The following PTK2 variants were observed in gnomAD, a reference collection of about 807,000 sequenced individuals.
The protein encoded by PTK2 is protein tyrosine kinase 2.
PTK2 carries 45 observed loss-of-function variants against 150.1 expected under a neutral mutation model. The observed-to-expected ratio is 0.30, with a 90% CI of 0.24 to 0.38. The LOEUF is 0.38. Among genes scored for constraint, PTK2 ranks in the 10% least tolerant of loss-of-function variants. The probability of loss-of-function intolerance (pLI) is 1.00; values close to 1 mark genes in which losing one functional copy is unlikely to be tolerated. For synonymous variants in PTK2, 432 were observed against 449.2 expected (o/e 0.96, Z 0.48); for missense variants, 919 against 1,307.3 (o/e 0.70, Z 4.58).
At chr8:140,970,616 A>G (rs1012653660) in intron 1 of PTK2, among the ~76,000 whole-genome samples, 2 of 152,178 alleles carry the variant, frequency 1.3e-5, no homozygotes, top group Admixed American at 6.5e-5. Context: ...CTCCACCATC[A>G]CCACGACTTG....
chr8:140,659,710 T>C (rs2076689260), intron 31 of PTK2, 32 bp from the exon 36 acceptor site: 1 of 1,517,754 alleles, frequency 6.6e-7, no homozygotes, highest in Non-Finnish European at 8.8e-7. Flanking sequence ...AGGAGAACTG[T>C]TTTCAGTGAT....
chr8:140,935,702 C>CTTTTTTTTTTTTT (rs34554819), intron 1 of PTK2, among the ~76,000 whole-genome samples: 15 of 123,860 alleles, frequency 1.2e-4, no homozygotes, highest in Non-Finnish European at 1.3e-4. Context: ...ATGTCCTCAT[C>CTTTTTTTTTTTTT]TTTTTTTTTT....
At chr8:140,923,376 AAC>A (rs2100168258) in intron 2 of PTK2, among the ~76,000 whole-genome samples, 1 of 152,222 alleles carries the variant, frequency 6.6e-6, no homozygotes, top group South Asian at 2.1e-4. Context: ...TTTAACCCAT[AAC>A]ACAATCTCAG....
chr8:140,937,546 C>A (rs2100174078), intron 1 of PTK2, among the ~76,000 whole-genome samples: 2 of 148,186 alleles, frequency 1.3e-5, no homozygotes, highest in African/African-American at 2.5e-5. Context: ...ATGTATCTCC[C>A]AAGTTTAAGG....
chr8:140,776,295 A>C (rs1379457871), intron 14 of PTK2, among the ~76,000 whole-genome samples: 2 of 152,198 alleles, frequency 1.3e-5, no homozygotes, highest in African/African-American at 2.4e-5. Context: ...GAGCCACCAT[A>C]CCTGGCCAAT....
intron 22 of PTK2, among the ~76,000 whole-genome samples, chr8:140,728,069 C>T (rs936096783): frequency 3.1e-4 from 47 of 151,970 alleles, no homozygotes; most frequent in East Asian, 1.9e-4. Context: ...CACAGTGGTG[C>T]GCGCCTGTAA....
intron 1 of PTK2, among the ~76,000 whole-genome samples, chr8:140,937,825 C>T (rs1304523837): frequency 1.3e-5 from 2 of 152,090 alleles, no homozygotes; most frequent in Non-Finnish European, 2.9e-5. Context: ...AGTGGCTGCA[C>T]GTCTGTAGTC....
intron 7 of PTK2, among the ~76,000 whole-genome samples, chr8:140,843,692 G>T (rs1205780564): frequency 9.2e-5 from 14 of 151,888 alleles, no homozygotes; most frequent in African/African-American, 3.4e-4. Flanking sequence ...TCTCCCATCA[G>T]GTTTTTTTTA....
At chr8:140,879,223 T>C (rs1281805106) in intron 4 of PTK2, 2 of 346,842 alleles carry the variant, frequency 5.8e-6, no homozygotes, top group Non-Finnish European at 1.0e-5. Flanking sequence ...GATGAGAAAT[T>C]AGCTAGCAAA....
intron 1 of PTK2, among the ~76,000 whole-genome samples, chr8:140,926,646 G>A (rs1403926809): frequency 6.6e-6 from 1 of 152,146 alleles, no homozygotes; most frequent in Non-Finnish European, 1.5e-5. Flanking sequence ...TGCTAGACAC[G>A]TGGCTGGTAC....
chr8:140,678,406 G>A (rs1052088668), intron 27 of PTK2, among the ~76,000 whole-genome samples: 3 of 151,990 alleles, frequency 2.0e-5, no homozygotes, highest in Non-Finnish European at 2.9e-5. Context: ...CAGTGCTGTG[G>A]CATGATCTTT....
At chr8:140,927,958 G>GAAAAA (rs57931737) in intron 1 of PTK2, among the ~76,000 whole-genome samples, 5 of 63,668 alleles carry the variant, frequency 7.9e-5, no homozygotes, top group Non-Finnish European at 7.9e-5. Flanking sequence ...AAAAAAAAAA[G>GAAAAA]AAAAAAAAAA....
At chr8:140,898,648 G>GCA (rs1452383454) in intron 2 of PTK2, among the ~76,000 whole-genome samples, 2 of 151,988 alleles carry the variant, frequency 1.3e-5, no homozygotes, top group African/African-American at 4.8e-5. Flanking sequence ...ACATAATGCA[G>GCA]CACATACAAA....
At chr8:140,938,044 TAAG>T (rs906251586) in intron 1 of PTK2, among the ~76,000 whole-genome samples, 2 of 152,360 alleles carry the variant, frequency 1.3e-5, no homozygotes, top group African/African-American at 4.8e-5. Context: ...AACAGTTATC[TAAG>T]AAGACAACAC....
rs1296889713 is a variant in PTK2, at chr8:140,865,283, T to TGAACTCCTGGTCTC, written c.363-898_363-885dup. On this transcript the variant is annotated intron_variant, in intron 4 of 31. Transcript: ENST00000522684. ...CTCACTATGCTGCCCAGGCTGGTCT[T>TGAACTCCTGGTCTC]GAACTCCTGGTCTCAAGGGATCCTT... Among the ~76,000 whole-genome samples the TGAACTCCTGGTCTC allele has an allele frequency of 3.3e-5, 5 of 152,282 alleles. No homozygotes were observed. The East Asian group carries it at 9.7e-4, about 29-fold the overall frequency.
intron 1 of PTK2, among the ~76,000 whole-genome samples, chr8:140,998,279 A>C (rs1407728790): frequency 1.3e-5 from 2 of 152,202 alleles, no homozygotes; most frequent in African/African-American, 2.4e-5. Context: ...AAACACTTTG[A>C]AATGCATCTT....
intron 1 of PTK2, among the ~76,000 whole-genome samples, chr8:140,931,070 CAAA>C (rs34438579): frequency 9.0e-5 from 10 of 111,716 alleles, no homozygotes; most frequent in Admixed American, 1.8e-4. Flanking sequence ...GACTCTGTCT[CAAA>C]AAAAAAAAAA....
chr8:140,887,202 C>T lies in PTK2; in HGVS notation c.195+3341G>A, dbSNP rs555979993. 1.2e-4 allele frequency among the ~76,000 whole-genome samples: 19 copies of T among 152,284 alleles called. No homozygotes were observed. In the East Asian group the frequency reaches 3.1e-3, roughly 25 times the overall value. ...GAGGTCCACAGGTTGAGGCTGGCTACGTAGATGGAGAGTGCTTGTGTGACC... is the reference window on the plus strand; with the variant it reads ...GAGGTCCACAGGTTGAGGCTGGCTATGTAGATGGAGAGTGCTTGTGTGACC... On this transcript the variant is annotated intron_variant, in intron 3 of 31. Transcript: ENST00000522684.
chr8:140,745,015 T>C (rs2100057891), intron 18 of PTK2, among the ~76,000 whole-genome samples: 1 of 152,164 alleles, frequency 6.6e-6, no homozygotes, highest in Admixed American at 6.5e-5. Flanking sequence ...ACAAATTTCT[T>C]AAAAAATATA....
Sources: gnomAD v4.1 joint callset for allele counts (sites outside exome capture counted in the v4.1 genomes callset) on GRCh38, gnomAD v4.1.1 for gene constraint, MANE v1.5 for transcripts, NCBI Gene and HGNC (gene_info 2026-07-23, HGNC 2026-07-21) for gene names.